UNC13C: variants seen among roughly 807,000 people sequenced by gnomAD.
The protein encoded by UNC13C is unc-13 homolog C.
UNC13C carries 174 observed loss-of-function variants against 245.4 expected under a neutral mutation model. The observed-to-expected ratio is 0.71, with a 90% confidence interval of 0.63 to 0.80. The LOEUF is 0.80. Ranked by LOEUF, UNC13C falls within the 30% of genes least tolerant of loss-of-function variation. The pLI is 0.00. For synonymous variants in UNC13C, 992 were observed against 895.1 expected (o/e 1.11, Z -1.93); for missense variants, 2,829 against 2,602.9 (o/e 1.09, Z -1.89).
downstream of UNC13C, chr15:54,629,449 A>AAGTT (rs1355581021): frequency 2.0e-5 from 3 of 152,214 alleles, no homozygotes; most frequent in East Asian, 5.8e-4. Flanking sequence ...TTTTAAAAAA[A>AAGTT]AGTTCAGATG....
Position 54,403,916 on chromosome 15 carries a change from A to G in UNC13C, c.4847+10735A>G, listed in dbSNP as rs57814352. Among the ~76,000 whole-genome samples, 578 of 152,234 alleles carry G rather than the reference A, an allele frequency of 3.8e-3. 28 individuals carry two copies. The East Asian group carries it at 0.082, about 22-fold the overall frequency. ...TTATGGTACAAGAGAACCTAAGTAC[A>G]AAAGGAAAAATTTCTACCACAGCAT... is the stretch of plus-strand genomic sequence containing the variant. On this transcript the variant is annotated intron_variant, in intron 18 of 32. Coordinates refer to ENST00000260323, the MANE Select transcript of UNC13C (RefSeq NM_001080534.3).
At chr15:54,228,591 A>G (rs2035461538) in intron 4 of UNC13C, among the ~76,000 whole-genome samples, 1 of 152,056 alleles carries the variant, frequency 6.6e-6, no homozygotes, top group South Asian at 2.1e-4. Context: ...CCAGGACTGG[A>G]TTCTTCCCTT....
At chr15:54,375,527 A>G (rs1017980694) in intron 17 of UNC13C, among the ~76,000 whole-genome samples, 5 of 152,358 alleles carry the variant, frequency 3.3e-5, no homozygotes, top group African/African-American at 9.6e-5. Flanking sequence ...GTTAAAGGTA[A>G]AGGATTTTTA....
At position 54,013,548 on chromosome 15, in the gene UNC13C, C is replaced by T; in HGVS notation, c.645C>T (p.Asp215=). 6.2e-7 allele frequency: 1 copy of T among 1,613,856 alleles called. No individual in the cohort carries two copies. Among genetic ancestry groups the T allele is most frequent in the Non-Finnish European group, 8.5e-7 (1 of 1,179,844 alleles). ...KSWGIRSKSL[D]RTVRNPKTNA... ...GGGGAATAAGAAGTAAGTCTTTGGA[C>T]AGAACTGTCCGAAACCCAAAGACAA... Residue 215 remains aspartate, a synonymous_variant, in exon 2 of 33, where the codon GAC becomes GAT. Transcript: ENST00000260323.
At chr15:53,912,744 G>A in the UNC13C span, 1 of 143,030 alleles carries the variant, frequency 7.0e-6, no homozygotes, top group Non-Finnish European at 1.6e-5. Context: ...CATCAATACC[G>A]TTTACTGGGG....
At chr15:54,449,391 C>G (rs1184217724) in intron 19 of UNC13C, among the ~76,000 whole-genome samples, 1 of 152,222 alleles carries the variant, frequency 6.6e-6, no homozygotes, top group Admixed American at 6.5e-5. Context: ...GTTCCATTCT[C>G]TCTGTCACTT....
At chr15:54,458,865 C>CT in intron 19 of UNC13C, among the ~76,000 whole-genome samples, 1 of 151,664 alleles carries the variant, frequency 6.6e-6, no homozygotes, top group Non-Finnish European at 1.5e-5. Context: ...CATTCTGTAT[C>CT]TTTTTAGTGG....
At chr15:53,910,137 A>T in the UNC13C span, among the ~76,000 whole-genome samples, 4 of 144,242 alleles carry the variant, frequency 2.8e-5, no homozygotes, top group African/African-American at 9.9e-5. Flanking sequence ...TTCTTTGAGT[A>T]TCCTTAGCTA....
At chr15:53,905,960 A>C in the UNC13C span, among the ~76,000 whole-genome samples, 17 of 152,320 alleles carry the variant, frequency 1.1e-4, no homozygotes, top group African/African-American at 3.6e-4. Context: ...AATTTAGAGA[A>C]TATGTAAATA....
intron 19 of UNC13C, among the ~76,000 whole-genome samples, chr15:54,486,095 G>A (rs943760858): frequency 1.3e-5 from 2 of 151,890 alleles, no homozygotes; most frequent in Non-Finnish European, 2.9e-5. Context: ...CTTTTTCTTT[G>A]CTGTATTTCC....
At chr15:53,986,740 C>T (rs2140953893) in intron 1 of UNC13C, among the ~76,000 whole-genome samples, 1 of 151,612 alleles carries the variant, frequency 6.6e-6, no homozygotes, top group South Asian at 2.1e-4. Flanking sequence ...TCTCTTAGTT[C>T]AGTTATGTAA....
chr15:54,215,136 T>C (rs1434048619), intron 4 of UNC13C, among the ~76,000 whole-genome samples: 1 of 151,682 alleles, frequency 6.6e-6, no homozygotes, highest in African/African-American at 2.4e-5. Context: ...TGACAAACAA[T>C]GTGTAAAGAA....
At chr15:53,963,351 C>T in the UNC13C span, among the ~76,000 whole-genome samples, 1 of 152,166 alleles carries the variant, frequency 6.6e-6, no homozygotes, top group Non-Finnish European at 1.5e-5. Context: ...CAGACTGTCA[C>T]AATGAAATTC....
rs578027966 is a variant in UNC13C, at chr15:54,036,655, C to T, written c.2983+20769C>T. Reference sequence around the variant, plus strand: ...TGTCCAGGAGAATGTAGCCATTCTTCTCTGTGTTACCTCTCCTTAGCAGCA... The same window carrying T: ...TGTCCAGGAGAATGTAGCCATTCTTTTCTGTGTTACCTCTCCTTAGCAGCA... On this transcript the variant is annotated intron_variant, in intron 2 of 32. Transcript: ENST00000260323. 5.3e-5 allele frequency among the ~76,000 whole-genome samples: 8 copies of T among 152,306 alleles called. No homozygotes were observed. In the East Asian group the frequency reaches 1.3e-3, roughly 26 times the overall value.
At position 54,015,100 on chromosome 15, in the gene UNC13C, C is replaced by T; in HGVS notation, c.2197C>T (p.Gln733Ter). The change falls in exon 2 of 33, where the codon CAG (glutamine) becomes TAG (stop). Residue 733 changes from glutamine (Q) to a stop codon, truncating the protein, a stop_gained. Coordinates refer to ENST00000260323, the MANE Select transcript of UNC13C (RefSeq NM_001080534.3). LOFTEE classifies it high-confidence loss of function. ...TGGCTTGGATAATGAACCACAAGGC[C>T]AGTGGGTTGGCCAATATGATTCTTA... The part of the protein sequence containing the change: ...CPGLDNEPQG[Q>*]WVGQYDSYQG... The T allele has an allele frequency of 6.2e-7, 1 of 1,612,730 alleles. No homozygotes were observed. The highest frequency in any genetic ancestry group is 8.5e-7 in the Non-Finnish European group (1 of 1,179,404).
chr15:54,193,901 A>G (rs2034268750), intron 4 of UNC13C, among the ~76,000 whole-genome samples: 3 of 152,190 alleles, frequency 2.0e-5, no homozygotes, highest in Non-Finnish European at 2.9e-5. Flanking sequence ...ATTAACACCT[A>G]GGTAATGAGA....
At chr15:53,890,299 G>A in the UNC13C span, among the ~76,000 whole-genome samples, 4 of 151,982 alleles carry the variant, frequency 2.6e-5, no homozygotes, top group South Asian at 2.1e-4. Context: ...CTGCCATCAC[G>A]CCCAGCTAAT....
chr15:54,014,103 AG>A lies in UNC13C; in HGVS notation c.1202del (p.Gly401AlafsTer9), dbSNP rs1426211205. 1 of 1,613,766 alleles carries A rather than the reference AG, an allele frequency of 6.2e-7. No individual in the cohort carries two copies. Among genetic ancestry groups the A allele is most frequent in the Non-Finnish European group, 8.5e-7 (1 of 1,179,818 alleles). On this transcript the variant is annotated frameshift_variant, in exon 2 of 33. Coordinates refer to ENST00000260323, the MANE Select transcript of UNC13C (RefSeq NM_001080534.3). LOFTEE classifies it high-confidence loss of function. ...LKKSYKLKGT[G>X]IGISTDILTH... ...AAAAGTCATATAAACTCAAAGGAAC[AG>A]GCATTGGAATCTCAACAGATATTCT...
intron 4 of UNC13C, among the ~76,000 whole-genome samples, chr15:54,215,921 G>A (rs561512154): frequency 6.6e-6 from 1 of 152,086 alleles, no homozygotes; most frequent in South Asian, 2.1e-4. Context: ...GATAGATGCA[G>A]CCATTTTGTC....
Sources: allele counts gnomAD v4.1 joint callset (sites outside exome capture counted in the v4.1 genomes callset), GRCh38; gene constraint gnomAD v4.1.1; transcripts MANE v1.5; gene names NCBI Gene and HGNC (gene_info 2026-07-23, HGNC 2026-07-21).